Variants in COL25A1 observed in about 807,000 individuals in gnomAD.
The protein encoded by COL25A1 is collagen type XXV alpha 1 chain, also known as collagen alpha-1(XXV) chain.
Under a neutral mutation model 128.4 loss-of-function variants are expected in COL25A1, and 103 were observed. That is an observed-to-expected ratio of 0.80 (90% CI 0.68 to 0.94). The LOEUF is 0.94. Among genes scored for constraint, COL25A1 ranks in the 40% least tolerant of loss-of-function variants. The probability of loss-of-function intolerance (pLI) is 0.00; values close to 1 mark genes in which losing one functional copy is unlikely to be tolerated. For synonymous variants in COL25A1, 279 were observed against 277.2 expected, an observed-to-expected ratio of 1.01 and a Z score of -0.06; for missense variants, 745 against 840.0, an observed-to-expected ratio of 0.89 and a Z score of 1.40.
rs546300931 is a variant in COL25A1 at position 108,945,407 on chromosome 4, G to A, written c.493-3970C>T. ...ACAGGTGTTGACACCTTATGGCTTT[G>A]TGTGGCCATACCTGCTAGGCTTCTC... On this transcript the variant is annotated intron_variant, in intron 8 of 37. Transcript: ENST00000399132. Among the ~76,000 whole-genome samples, 167 of 152,280 alleles carry A rather than the reference G, an allele frequency of 1.1e-3. 1 individual carries two copies. Among genetic ancestry groups the A allele is most frequent in the African/African-American group, 3.9e-3 (162 of 41,556 alleles).
At position 108,901,133 on chromosome 4, in the gene COL25A1, T is replaced by G; in HGVS notation, c.820A>C (p.Ile274Leu). Residue 274 changes from isoleucine to leucine, a missense_variant, in exon 14 of 38, where the codon ATA (isoleucine) becomes CTA (leucine). Physicochemically the swap from Ile to Leu is conservative, Grantham distance 5 (BLOSUM62 2). This residue lies in a region of COL25A1 where 39 missense variants were observed against 73.3 expected (regional missense o/e 0.53). Transcript: ENST00000399132. ...TTTGTACTAACCTTAGGTCCTGGTA[T>G]TCCATTCTGTCCTACTGCTCCAGGC... ...GLPGAVGQNG[I>L]PGPKGEPGEQ... The G allele has an allele frequency of 6.2e-6, 10 of 1,612,372 alleles. No homozygotes were observed. The highest frequency in any genetic ancestry group is 8.5e-6 in the Non-Finnish European group (10 of 1,178,692).
chr4:109,005,296 G>T (rs183290090), intron 6 of COL25A1, among the ~76,000 whole-genome samples: 81 of 152,176 alleles, frequency 5.3e-4, no homozygotes, highest in Middle Eastern at 6.8e-3. Flanking sequence ...CAGCACCAAG[G>T]TTGTGGTGCT....
At chr4:109,028,026 C>T (rs1758477268) in intron 5 of COL25A1, among the ~76,000 whole-genome samples, 1 of 152,062 alleles carries the variant, frequency 6.6e-6, no homozygotes, top group South Asian at 2.1e-4. Context: ...ATAGTTAAAG[C>T]CATGAGATTA....
Position 108,945,687 on chromosome 4 carries a change from T to C in COL25A1, c.493-4250A>G, listed in dbSNP as rs143313104. Reference sequence around the variant, plus strand: ...TTGTTATTGTTGTTGTTTTTTGAGATGGAGTCTGGCTCTTCACCCAGGCTG... The same window carrying C: ...TTGTTATTGTTGTTGTTTTTTGAGACGGAGTCTGGCTCTTCACCCAGGCTG... On this transcript the variant is annotated intron_variant, in intron 8 of 37. Coordinates refer to ENST00000399132, the MANE Select transcript of COL25A1 (RefSeq NM_198721.4). Among the ~76,000 whole-genome samples, 8 of 152,230 alleles carry C rather than the reference T, an allele frequency of 5.3e-5. No homozygotes were observed. The East Asian group carries it at 1.5e-3, about 29-fold the overall frequency.
intron 12 of COL25A1, among the ~76,000 whole-genome samples, chr4:108,919,213 T>C (rs1745211710): frequency 6.6e-6 from 1 of 152,070 alleles, no homozygotes; most frequent in South Asian, 2.1e-4. Context: ...CCCTAAAAAA[T>C]AGTCTACTAA....
At chr4:108,902,385 C>T (rs57109458) in intron 13 of COL25A1, among the ~76,000 whole-genome samples, 2,988 of 152,086 alleles carry the variant, frequency 0.02, 96 homozygotes, top group African/African-American at 0.066. Context: ...TACACAACTA[C>T]AGTCAGGACT....
intron 31 of COL25A1, chr4:108,838,244 G>A: frequency 2.7e-6 from 3 of 1,110,064 alleles, no homozygotes. Flanking sequence ...AGAGAAGAGA[G>A]CCAGTCTCTG....
intron 3 of COL25A1, among the ~76,000 whole-genome samples, chr4:109,227,691 C>T (rs553855680): frequency 8.5e-5 from 13 of 152,162 alleles, no homozygotes; most frequent in Non-Finnish European, 1.6e-4. Context: ...AGATCTCTTC[C>T]ACTGTGTTAT....
intron 23 of COL25A1, 59 bp from the exon 24 acceptor site, chr4:108,859,792 TG>T: frequency 7.8e-7 from 1 of 1,290,280 alleles, no homozygotes; most frequent in Non-Finnish European, 1.1e-6. Context: ...TAGGGTGGAC[TG>T]TGGCAGAAAC....
intron 8 of COL25A1, among the ~76,000 whole-genome samples, chr4:108,947,319 G>A (rs920393210): frequency 3.3e-5 from 5 of 151,994 alleles, no homozygotes; most frequent in African/African-American, 7.2e-5. Flanking sequence ...GCGGGTGCCT[G>A]TAATCTCAGC....
At chr4:109,016,131 A>G (rs1724455) in intron 5 of COL25A1, among the ~76,000 whole-genome samples, 77,313 of 151,660 alleles carry the variant, frequency 0.51, 22,410 homozygotes, top group African/African-American at 0.77. Context: ...GCCCCTGCAG[A>G]CTTAGAAGTG....
intron 3 of COL25A1, among the ~76,000 whole-genome samples, chr4:109,129,263 G>A (rs1768934604): frequency 6.6e-6 from 1 of 151,916 alleles, no homozygotes; most frequent in African/African-American, 2.4e-5. Context: ...CCGAGTAGGT[G>A]GGATTACAGG....
In COL25A1 at chr4:108,852,895, G is replaced by T; in HGVS notation, c.1344+7C>A. 6.2e-7 allele frequency: 1 copy of T among 1,609,728 alleles called. No homozygotes were observed. Among genetic ancestry groups the T allele is most frequent in the Non-Finnish European group, 8.5e-7 (1 of 1,177,758 alleles). ...ACAAACCACAGAAAGCATGCAATAG[G>T]AGTTACCGTGACAGTTAAGGTGGTA... On this transcript the variant is annotated splice_region_variant and intron_variant, in intron 25 of 37. Transcript: ENST00000399132.
intron 3 of COL25A1, among the ~76,000 whole-genome samples, chr4:109,077,887 A>T (rs1293534756): frequency 6.6e-6 from 1 of 152,250 alleles, no homozygotes; most frequent in African/African-American, 2.4e-5. Context: ...TTTGGGTGAC[A>T]GAAATGTTCA....
At chr4:109,036,765 A>T (rs892931248) in intron 5 of COL25A1, among the ~76,000 whole-genome samples, 1 of 152,214 alleles carries the variant, frequency 6.6e-6, no homozygotes, top group Admixed American at 6.5e-5. Context: ...AGATATATAC[A>T]TTCAGTCATT....
chr4:109,002,701 T>C (rs1411017449), intron 6 of COL25A1, among the ~76,000 whole-genome samples: 1 of 152,220 alleles, frequency 6.6e-6, no homozygotes, highest in Non-Finnish European at 1.5e-5. Flanking sequence ...CATTACACTG[T>C]ACATCTTGAG....
chr4:108,976,690 T>C (rs1298722924), intron 6 of COL25A1, among the ~76,000 whole-genome samples: 2 of 152,214 alleles, frequency 1.3e-5, no homozygotes. Context: ...CAGTGGAGGC[T>C]GCTATGTCAC....
chr4:108,889,725 A>C lies in COL25A1; in HGVS notation c.915T>G (p.Pro305=). ...PKGDTGEKGD[P]GSSAAGIKGE... is the part of the protein sequence containing the mutation. ...CCTTAATTCCTGCAGCAGATGATCC[A>C]GGGTCACCCTAAAACGAAACCCAGG... Residue 305 remains proline, a synonymous_variant, in exon 17 of 38, where the codon CCT becomes CCG. Transcript: ENST00000399132. The C allele has an allele frequency of 6.2e-7, 1 of 1,613,534 alleles. No homozygotes were observed. The highest frequency in any genetic ancestry group is 8.5e-7 in the Non-Finnish European group (1 of 1,179,560).
At chr4:108,867,582 C>T (rs1738090239) in intron 20 of COL25A1, among the ~76,000 whole-genome samples, 1 of 152,126 alleles carries the variant, frequency 6.6e-6, no homozygotes, top group Non-Finnish European at 1.5e-5. Flanking sequence ...TTTCCATTTA[C>T]TAGGTTTAGA....
Sources: allele counts gnomAD v4.1 joint callset (sites outside exome capture counted in the v4.1 genomes callset), GRCh38; gene constraint gnomAD v4.1.1; regional missense constraint gnomAD v4.1.1; transcripts MANE v1.5; gene names NCBI Gene and HGNC (gene_info 2026-07-23, HGNC 2026-07-21).